ECT2L: variants seen among roughly 807,000 people sequenced by gnomAD.
The protein encoded by ECT2L is epithelial cell-transforming sequence 2 oncogene-like.
Under a neutral mutation model 122.8 loss-of-function variants are expected in ECT2L, and 126 were observed. The observed-to-expected ratio is 1.03, with a 90% CI of 0.89 to 1.19. ECT2L has a LOEUF of 1.19. Among genes scored for constraint, ECT2L ranks in the 50% most tolerant of loss-of-function variants. ECT2L has a pLI of 0.00. For synonymous variants in ECT2L, 385 were observed against 381.8 expected (o/e 1.01, Z -0.10); for missense variants, 1,012 against 1,064.1 (o/e 0.95, Z 0.68).
intron 1 of ECT2L, among the ~76,000 whole-genome samples, chr6:138,798,670 G>T (rs764483067): frequency 2.0e-5 from 3 of 152,178 alleles, no homozygotes; most frequent in African/African-American, 4.8e-5. Flanking sequence ...CAGTTGTAAA[G>T]GATAGTCAGC....
chr6:138,850,989 C>A (rs1366982111), intron 9 of ECT2L, among the ~76,000 whole-genome samples: 1 of 72,022 alleles, frequency 1.4e-5, no homozygotes. Context: ...AGCGAAACTC[C>A]ATCTCAAAAA....
chr6:138,863,782 A>C (rs555688000), intron 11 of ECT2L, among the ~76,000 whole-genome samples: 1 of 151,080 alleles, frequency 6.6e-6, no homozygotes, highest in African/African-American at 2.4e-5. Flanking sequence ...CGCCCGACTA[A>C]TTTTTGTATT....
chr6:138,815,927 C>T (rs1475448743), intron 4 of ECT2L, among the ~76,000 whole-genome samples: 1 of 152,216 alleles, frequency 6.6e-6, no homozygotes, highest in East Asian at 1.9e-4. Context: ...TCAGCTACTC[C>T]TGCATCTGTG....
At chr6:138,831,707 G>T (rs1776653190) in intron 4 of ECT2L, among the ~76,000 whole-genome samples, 1 of 152,246 alleles carries the variant, frequency 6.6e-6, no homozygotes, top group East Asian at 1.9e-4. Flanking sequence ...GCTCCATAAA[G>T]GCAGGAATTG....
At chr6:138,877,986 C>G (rs538519936) in intron 14 of ECT2L, among the ~76,000 whole-genome samples, 1 of 152,168 alleles carries the variant, frequency 6.6e-6, no homozygotes, top group African/African-American at 2.4e-5. Context: ...TCTCATTTTT[C>G]TCTTAAGTTT....
intron 13 of ECT2L, among the ~76,000 whole-genome samples, chr6:138,874,867 G>A (rs1778385615): frequency 1.3e-5 from 2 of 152,138 alleles, no homozygotes; most frequent in Non-Finnish European, 2.9e-5. Context: ...CCCAAGGCAG[G>A]AGGAACACTT....
At chr6:138,834,072 A>T (rs1489620374) in intron 4 of ECT2L, among the ~76,000 whole-genome samples, 1 of 152,240 alleles carries the variant, frequency 6.6e-6, no homozygotes, top group Admixed American at 6.5e-5. Context: ...GCAGATAATT[A>T]AATTCAAGTC....
intron 20 of ECT2L, among the ~76,000 whole-genome samples, chr6:138,892,380 C>T (rs1650871913): frequency 1.3e-5 from 2 of 152,194 alleles, no homozygotes; most frequent in Admixed American, 1.3e-4. Context: ...AAGCCCTTAA[C>T]ATATTAATCA....
Position 138,881,077 on chromosome 6 carries a change from C to A in ECT2L, c.1786C>A (p.Leu596Met), listed in dbSNP as rs1051794427. The A allele has an allele frequency of 2.5e-6, 4 of 1,614,062 alleles. No homozygotes were observed. The highest frequency in any genetic ancestry group is 3.4e-6 in the Non-Finnish European group (4 of 1,180,032). The change falls in exon 15 of 22, where the codon CTG (leucine) becomes ATG (methionine). Residue 596 changes from leucine to methionine, a missense_variant. By Grantham distance (15) the Leu-to-Met change is conservative. Transcript: ENST00000541398. ...EIVRDVYVAP[L>M]KAALSSNRAI... ...TGTGAGAGATGTTTATGTCGCACCA[C>A]TGAAAGCAGCATTGTCATCAAACAG... is the stretch of plus-strand genomic sequence containing the variant.
intron 4 of ECT2L, among the ~76,000 whole-genome samples, chr6:138,816,998 G>C (rs183599582): frequency 7.9e-5 from 12 of 152,204 alleles, no homozygotes; most frequent in African/African-American, 2.9e-4. Flanking sequence ...TCTGCTTTCT[G>C]TCTCTATAAA....
At chr6:138,875,228 C>T (rs1778399392) in intron 13 of ECT2L, among the ~76,000 whole-genome samples, 1 of 152,236 alleles carries the variant, frequency 6.6e-6, no homozygotes, top group Admixed American at 6.5e-5. Context: ...AGGAAGCACT[C>T]AGGCTCAGGT....
chr6:138,868,279 A>AT (rs554726357), intron 13 of ECT2L, 73 bp downstream of exon 13: 4 of 1,386,410 alleles, frequency 2.9e-6, no homozygotes, highest in African/African-American at 1.4e-5. Flanking sequence ...GTTATTATTA[A>AT]TTTTTTTGAC....
chr6:138,856,770 C>T (rs762959897), intron 10 of ECT2L, among the ~76,000 whole-genome samples: 1 of 152,170 alleles, frequency 6.6e-6, no homozygotes, highest in African/African-American at 2.4e-5. Flanking sequence ...GTGATACAAC[C>T]GTTCTGATTG....
At chr6:138,801,641 G>A (rs2128367988) in intron 1 of ECT2L, among the ~76,000 whole-genome samples, 1 of 152,282 alleles carries the variant, frequency 6.6e-6, no homozygotes, top group Non-Finnish European at 1.5e-5. Flanking sequence ...TGTAATCCCA[G>A]CTACTCAGGA....
intron 10 of ECT2L, among the ~76,000 whole-genome samples, chr6:138,861,638 A>G (rs908508688): frequency 6.6e-6 from 1 of 152,048 alleles, no homozygotes; most frequent in Non-Finnish European, 1.5e-5. Flanking sequence ...CCTTTGTCAG[A>G]TGGATAGATT....
chr6:138,878,627 A>G (rs1778546522), intron 14 of ECT2L, among the ~76,000 whole-genome samples: 1 of 151,722 alleles, frequency 6.6e-6, no homozygotes, highest in Non-Finnish European at 1.5e-5. Context: ...TTGTATTTTT[A>G]GTAGAGACAG....
intron 4 of ECT2L, among the ~76,000 whole-genome samples, chr6:138,837,404 C>T (rs1218886330): frequency 1.3e-5 from 2 of 152,148 alleles, no homozygotes; most frequent in East Asian, 1.9e-4. Context: ...CCTGTGGCCA[C>T]GCCAGGCTGA....
chr6:138,877,713 C>T (rs777950282), intron 14 of ECT2L, among the ~76,000 whole-genome samples: 1 of 152,016 alleles, frequency 6.6e-6, no homozygotes, highest in Non-Finnish European at 1.5e-5. Context: ...GCAGGTGCAT[C>T]GCTTAAGCAG....
At position 138,818,145 on chromosome 6, in the gene ECT2L, G is replaced by A. The variant is rs1268010847; in HGVS notation, c.179+3542G>A. Among the ~76,000 whole-genome samples, 6 of 152,240 alleles carry A rather than the reference G, an allele frequency of 3.9e-5. No homozygotes were observed. The East Asian group carries it at 1.2e-3, about 29-fold the overall frequency. Reference sequence around the variant, plus strand: ...ACTTGCAGCTTTCCTGGATGGGTGGGGCAGCATTCATGCAACTGCATTCCC... The same window carrying A: ...ACTTGCAGCTTTCCTGGATGGGTGGAGCAGCATTCATGCAACTGCATTCCC... On this transcript the variant is annotated intron_variant, in intron 4 of 21. Transcript: ENST00000541398.
Sources: gnomAD v4.1 joint callset for allele counts (sites outside exome capture counted in the v4.1 genomes callset) on GRCh38, gnomAD v4.1.1 for gene constraint, MANE v1.5 for transcripts, NCBI Gene and HGNC (gene_info 2026-07-23, HGNC 2026-07-21) for gene names.